The following CHST12 variants were observed in gnomAD, a reference collection of about 807,000 sequenced individuals.
CHST12 encodes carbohydrate (chondroitin 4) sulfotransferase 12.
A neutral mutation model predicts 27.9 loss-of-function variants in CHST12; 23 were observed. The observed-to-expected ratio is 0.82, with a 90% confidence interval of 0.59 to 1.17. The LOEUF (loss-of-function observed/expected upper bound fraction) is 1.17. CHST12 is among the 50% of genes most tolerant of loss of function. The probability of loss-of-function intolerance (pLI) is 0.00; values close to 1 mark genes in which losing one functional copy is unlikely to be tolerated. For missense variants in CHST12, 682 were observed against 603.0 expected, an observed-to-expected ratio of 1.13 and a Z score of -1.37; for synonymous variants, 322 against 273.0, an observed-to-expected ratio of 1.18 and a Z score of -1.77.
In CHST12 at chr7:2,439,917, G is replaced by T. The variant is rs1378583146; in HGVS notation, c.*6033G>T. Reference sequence around the variant, plus strand: ...TTTTTTTTGGTAGATACGGGGTCTTGCTTTGTCACCCAGGCTGGTCTCAAA... The same window carrying T: ...TTTTTTTTGGTAGATACGGGGTCTTTCTTTGTCACCCAGGCTGGTCTCAAA... On this transcript the variant is annotated 3_prime_UTR_variant, in exon 2 of 2. Transcript: ENST00000618655. The T allele has an allele frequency of 6.6e-6, 1 of 151,884 alleles. No individual in the cohort carries two copies. Among genetic ancestry groups the T allele is most frequent in the Non-Finnish European group, 1.5e-5 (1 of 67,992 alleles). The allele number at this position is 151,884 out of a possible 1,614,324, so 9.4% of individuals were successfully genotyped here. A position where few individuals can be genotyped will look rare whatever the true frequency, so the allele number is the denominator to read the frequency against.
At chr7:2,422,885 G>A (rs1266856589) in intron 1 of CHST12, among the ~76,000 whole-genome samples, 6 of 138,868 alleles carry the variant, frequency 4.3e-5, no homozygotes, top group South Asian at 2.3e-4. Context: ...TTTTTTTTTA[G>A]TGTGGTTTCA....
At chr7:2,426,563 C>T (rs544629497) in intron 1 of CHST12, among the ~76,000 whole-genome samples, 2 of 151,780 alleles carry the variant, frequency 1.3e-5, no homozygotes, top group African/African-American at 2.4e-5. Flanking sequence ...GACAGATGTC[C>T]TTGCCTTGTT....
At position 2,411,124 on chromosome 7, in the gene CHST12, G is replaced by C. The variant is rs535097235; in HGVS notation, c.-78+7451G>C. Among the ~76,000 whole-genome samples, 8 of 152,028 alleles carry C rather than the reference G, an allele frequency of 5.3e-5. No individual in the cohort carries two copies. In the South Asian group the frequency reaches 1.2e-3, roughly 24 times the overall value. On this transcript the variant is annotated intron_variant, in intron 1 of 1. Transcript: ENST00000618655. ...AGATCTCACTCTGTCATCCAGGCTGGAGGGCTGGAGTACAGTGGTGTGATC... is the reference window on the plus strand; with the variant it reads ...AGATCTCACTCTGTCATCCAGGCTGCAGGGCTGGAGTACAGTGGTGTGATC...
chr7:2,429,104 C>G (rs1033673715), intron 1 of CHST12, among the ~76,000 whole-genome samples: 1 of 152,320 alleles, frequency 6.6e-6, no homozygotes. Context: ...TTCATAGGCT[C>G]TCTGCAGGGG....
At chr7:2,416,269 C>T (rs1180628963) in intron 1 of CHST12, among the ~76,000 whole-genome samples, 2 of 152,208 alleles carry the variant, frequency 1.3e-5, no homozygotes, top group Non-Finnish European at 2.9e-5. Flanking sequence ...TCTGATTCTA[C>T]TTCTCTTGCT....
chr7:2,429,487 T>C (rs1356556086), intron 1 of CHST12, among the ~76,000 whole-genome samples: 1 of 152,256 alleles, frequency 6.6e-6, no homozygotes, highest in Non-Finnish European at 1.5e-5. Context: ...TGTTATTCTT[T>C]GAATGTTTGA....
chr7:2,407,546 T>C (rs1562507676), intron 1 of CHST12, among the ~76,000 whole-genome samples: 1 of 152,150 alleles, frequency 6.6e-6, no homozygotes, highest in Non-Finnish European at 1.5e-5. Context: ...ACCCAAACTT[T>C]CTGGGTTAAA....
In CHST12 at chr7:2,406,361, G is replaced by T. The variant is rs533043172; in HGVS notation, c.-78+2688G>T. Among the ~76,000 whole-genome samples, 6 of 147,176 alleles carry T rather than the reference G, an allele frequency of 4.1e-5. No individual in the cohort carries two copies. The East Asian group carries it at 1.0e-3, about 25-fold the overall frequency. On this transcript the variant is annotated intron_variant, in intron 1 of 1. Coordinates refer to ENST00000618655, the MANE Select transcript of CHST12 (RefSeq NM_018641.5). ...AAGAATGGGAGACAGGTACAGTTGA[G>T]TACGGGGTGGGGGCACAGTTGAGTA...
At chr7:2,427,157 C>G (rs910129624) in intron 1 of CHST12, among the ~76,000 whole-genome samples, 8 of 151,580 alleles carry the variant, frequency 5.3e-5, no homozygotes, top group Non-Finnish European at 7.4e-5. Context: ...TGCACTCCGG[C>G]CTGGGTGACA....
In CHST12 at chr7:2,434,292, ATCCT is replaced by A. The variant is rs1782411614; in HGVS notation, c.*412_*415del. ...CTGTTTTTGGAAGGGTAGCCGACAA[ATCCT>A]TCCAGAGGGAAAGTTCTTTGTTTAA... On this transcript the variant is annotated 3_prime_UTR_variant, in exon 2 of 2. Transcript: ENST00000618655. 1 of 176,264 alleles carries A rather than the reference ATCCT, an allele frequency of 5.7e-6. No individual in the cohort carries two copies. Among genetic ancestry groups the A allele is most frequent in the Non-Finnish European group, 1.4e-5 (1 of 73,874 alleles). The allele number at this position is 176,264 out of a possible 1,614,324, so 10.9% of individuals were successfully genotyped here.
Position 2,433,596 on chromosome 7 carries a change from C to T in CHST12, c.957C>T (p.Asn319=), listed in dbSNP as rs145060306. The T allele has an allele frequency of 2.1e-3, 3,313 of 1,613,626 alleles. 3 individuals are homozygous for T. Among genetic ancestry groups the T allele is most frequent in the Non-Finnish European group, 2.5e-3 (2,948 of 1,180,004 alleles). ...DPHTEKLAPF[N]EHWRQVYRLC... ...ACACGGAGAAGCTGGCGCCCTTCAA[C>T]GAGCACTGGCGGCAGGTGTACCGCC... is the stretch of plus-strand genomic sequence containing the variant. Residue 319 remains asparagine, a synonymous_variant, in exon 2 of 2, where the codon AAC becomes AAT. Coordinates refer to ENST00000618655, the MANE Select transcript of CHST12 (RefSeq NM_018641.5). This position sits in a 1 kb window ranked among gnomAD's most constrained non-coding sequence, Gnocchi z 6.1.
chr7:2,406,410 CGGGGTGGGGGAACAGTTGAGTAT>C (rs1554279213), intron 1 of CHST12, among the ~76,000 whole-genome samples: 8 of 49,594 alleles, frequency 1.6e-4, no homozygotes, highest in African/African-American at 5.5e-4. Context: ...CAGTTGAGTA[CGGGGTGGGGGAACAGTTGAGTAT>C]GGGGTGGGGG....
chr7:2,432,058 C>T (rs748408703), intron 1 of CHST12, among the ~76,000 whole-genome samples: 8 of 139,576 alleles, frequency 5.7e-5, no homozygotes, highest in East Asian at 2.2e-4. Context: ...AGGAGAATGG[C>T]GTGAACCTGG....
intron 1 of CHST12, among the ~76,000 whole-genome samples, chr7:2,425,500 C>A (rs1294346859): frequency 6.6e-6 from 1 of 152,174 alleles, no homozygotes; most frequent in Non-Finnish European, 1.5e-5. Flanking sequence ...TAGGATCTGG[C>A]CTCTGACGGA....
At chr7:2,424,608 C>T (rs1029956570) in intron 1 of CHST12, among the ~76,000 whole-genome samples, 5 of 152,204 alleles carry the variant, frequency 3.3e-5, no homozygotes, top group South Asian at 4.2e-4. Context: ...TGGATGCCCT[C>T]GGGAACAGAG....
Position 2,445,983 on chromosome 7 carries a change from A to T in CHST12, c.*12099A>T, listed in dbSNP as rs960879280. On this transcript the variant is annotated 3_prime_UTR_variant, in exon 2 of 2. Transcript: ENST00000618655. ...GGAAAGGGAGACCCAGGCTGCGGTG[A>T]CCCACTGAGGCACAGGATCAGTGAG... The T allele has an allele frequency of 6.6e-6, 1 of 152,236 alleles. No homozygotes were observed. The highest frequency in any genetic ancestry group is 2.4e-5 in the African/African-American group (1 of 41,444). The allele number at this position is 152,236 out of a possible 1,614,324, so 9.4% of individuals were successfully genotyped here. A position where few individuals can be genotyped will look rare whatever the true frequency, so the allele number is the denominator to read the frequency against.
chr7:2,424,368 C>T (rs1275435276), intron 1 of CHST12, among the ~76,000 whole-genome samples: 1 of 152,162 alleles, frequency 6.6e-6, no homozygotes, highest in Admixed American at 6.5e-5. Context: ...AATTAAGAAT[C>T]CACAGAAGTT....
intron 1 of CHST12, among the ~76,000 whole-genome samples, chr7:2,409,977 TC>T (rs1319300914): frequency 6.6e-6 from 1 of 152,140 alleles, no homozygotes; most frequent in African/African-American, 2.4e-5. Context: ...AGGCAGAGTC[TC>T]ACTCTGTCAC....
At position 2,433,253 on chromosome 7, in the gene CHST12, A is replaced by G; in HGVS notation, c.614A>G (p.Glu205Gly). ...CGCGACCCGCTGCGCATCCCGCGCG[A>G]GCACGTGCACAACGCCAGCGCGCAC... ...PYRDPLRIPR[E>G]HVHNASAHLT... The change falls in exon 2 of 2, where the codon GAG becomes GGG. Residue 205 changes from glutamate to glycine, a missense_variant. By Grantham distance (98) the Glu-to-Gly change is moderately conservative. Coordinates refer to ENST00000618655, the MANE Select transcript of CHST12 (RefSeq NM_018641.5). This position sits in a 1 kb window ranked among gnomAD's most constrained non-coding sequence, Gnocchi z 6.1. 1.9e-6 allele frequency: 3 copies of G among 1,611,470 alleles called. No individual in the cohort carries two copies. The East Asian group carries it at 6.7e-5, about 36-fold the overall frequency.
Sources: allele counts gnomAD v4.1 joint callset (sites outside exome capture counted in the v4.1 genomes callset), GRCh38; gene constraint gnomAD v4.1.1; non-coding constraint Gnocchi (gnomAD v3.1); transcripts MANE v1.5; gene names NCBI Gene and HGNC (gene_info 2026-07-23, HGNC 2026-07-21).